The following GMDS variants were observed in gnomAD, a reference collection of about 807,000 sequenced individuals.
GMDS encodes GDP-mannose 4,6-dehydratase.
A neutral mutation model predicts 49.9 loss-of-function variants in GMDS; 20 were observed. The ratio of observed to expected loss-of-function variants is 0.40; its 90% confidence interval spans 0.28 to 0.58. The LOEUF is 0.58. Ranked by LOEUF, GMDS falls within the 20% of genes least tolerant of loss-of-function variation. The probability of loss-of-function intolerance (pLI) is 0.42; values close to 1 mark genes in which losing one functional copy is unlikely to be tolerated. For synonymous variants in GMDS, 177 were observed against 178.6 expected, an observed-to-expected ratio of 0.99 and a Z score of 0.07; for missense variants, 362 against 481.4, an observed-to-expected ratio of 0.75 and a Z score of 2.32.
At chr6:1,655,289 C>A (rs767338941) in intron 9 of GMDS, among the ~76,000 whole-genome samples, 2 of 151,978 alleles carry the variant, frequency 1.3e-5, no homozygotes, top group Non-Finnish European at 2.9e-5. Context: ...ACTGGGTAAA[C>A]GAAATTTTAA....
chr6:1,785,650 G>T (rs1470865401), intron 7 of GMDS, among the ~76,000 whole-genome samples: 2 of 152,230 alleles, frequency 1.3e-5, no homozygotes, highest in African/African-American at 4.8e-5. Flanking sequence ...CTCAGCACCA[G>T]CCCTGTCTTC....
intron 1 of GMDS, among the ~76,000 whole-genome samples, chr6:2,178,483 TGCCATTCATGAAA>T (rs1204964804): frequency 6.8e-6 from 1 of 146,750 alleles, no homozygotes; most frequent in Non-Finnish European, 1.5e-5. Flanking sequence ...CGGTAGGTGG[TGCCATTCATGAAA>T]GCCATTCATG....
rs868043126 is a variant in GMDS at position 1,905,912 on chromosome 6, A to C, written c.771+24191T>G. Among the ~76,000 whole-genome samples the C allele has an allele frequency of 1.7e-3, 128 of 73,498 alleles. 14 individuals carry two copies. The highest frequency in any genetic ancestry group is 0.014 in the Middle Eastern group (2 of 144). 48.2% of individuals were successfully genotyped at this position (73,498 alleles called of 152,430 possible). A position where few individuals can be genotyped will look rare whatever the true frequency, so the allele number is the denominator to read the frequency against. On this transcript the variant is annotated intron_variant, in intron 7 of 10. Coordinates refer to ENST00000380815, the MANE Select transcript of GMDS (RefSeq NM_001500.4). The stretch of plus-strand genomic sequence containing the variant: ...CCCCATAGGCCATCTGGGAACACGT[A>C]TGCAGGTGTCCCTGAGAAGGAGCGC...
intron 4 of GMDS, among the ~76,000 whole-genome samples, chr6:1,988,070 T>C (rs1024523345): frequency 6.6e-6 from 1 of 152,190 alleles, no homozygotes; most frequent in African/African-American, 2.4e-5. Flanking sequence ...AGCCCCCATA[T>C]GCATTCTTTA....
At chr6:1,683,325 G>A (rs13202648) in intron 9 of GMDS, among the ~76,000 whole-genome samples, 13,859 of 152,170 alleles carry the variant, frequency 0.091, 912 homozygotes, top group East Asian at 0.21. Context: ...GGGTTTCACC[G>A]TGTTAGCCAG....
intron 1 of GMDS, among the ~76,000 whole-genome samples, chr6:2,153,891 A>T (rs900533174): frequency 1.3e-5 from 2 of 152,202 alleles, no homozygotes; most frequent in Non-Finnish European, 2.9e-5. Flanking sequence ...TAACGTTTAC[A>T]GAAATTTGTA....
chr6:1,824,926 G>T (rs1771044406), intron 7 of GMDS, among the ~76,000 whole-genome samples: 1 of 152,120 alleles, frequency 6.6e-6, no homozygotes, highest in African/African-American at 2.4e-5. Context: ...GAAGTCAGGG[G>T]CATGCACTAT....
At chr6:2,016,782 T>C (rs1049698895) in intron 4 of GMDS, among the ~76,000 whole-genome samples, 24 of 152,232 alleles carry the variant, frequency 1.6e-4, no homozygotes, top group Middle Eastern at 3.4e-3. Context: ...CTAGAAAATA[T>C]GCAAATATTT....
chr6:1,939,592 CACACACATAT>C (rs201534663), intron 6 of GMDS, among the ~76,000 whole-genome samples: 20 of 117,066 alleles, frequency 1.7e-4, no homozygotes, highest in Admixed American at 3.7e-4. Flanking sequence ...TACACACACA[CACACACATAT>C]ACACATACAC....
At chr6:1,951,875 C>T in intron 6 of GMDS, 1 of 984,602 alleles carries the variant, frequency 1.0e-6, no homozygotes, top group East Asian at 1.1e-4. Context: ...TGGTCTTTTA[C>T]AAAGATAAGA....
chr6:2,188,244 C>A lies in GMDS; in HGVS notation c.102+57077G>T, dbSNP rs546044763. On this transcript the variant is annotated intron_variant, in intron 1 of 10. Transcript: ENST00000380815. Reference sequence around the variant, plus strand: ...AAATGCTCAGAAATGTCTCCTCAGACACAAAGTCCAATTTAGCTGAAATGC... The same window carrying A: ...AAATGCTCAGAAATGTCTCCTCAGAAACAAAGTCCAATTTAGCTGAAATGC... Among the ~76,000 whole-genome samples the A allele has an allele frequency of 2.6e-5, 4 of 152,336 alleles. No homozygotes were observed. The South Asian group carries it at 8.3e-4, about 32-fold the overall frequency.
chr6:1,848,506 G>A (rs1757515584), intron 7 of GMDS, among the ~76,000 whole-genome samples: 1 of 152,026 alleles, frequency 6.6e-6, no homozygotes, highest in Non-Finnish European at 1.5e-5. Flanking sequence ...CTCTGTCTTG[G>A]GTACCTTATA....
intron 7 of GMDS, among the ~76,000 whole-genome samples, chr6:1,819,561 G>A (rs1296159103): frequency 6.6e-6 from 1 of 151,916 alleles, no homozygotes; most frequent in Non-Finnish European, 1.5e-5. Context: ...AGAAGTTTGA[G>A]ACCAGCCTGG....
intron 4 of GMDS, among the ~76,000 whole-genome samples, chr6:2,023,659 T>C (rs1768406560): frequency 1.3e-5 from 2 of 152,194 alleles, no homozygotes. Flanking sequence ...AAAGGTAGAT[T>C]TGAAGTAAGC....
At chr6:1,899,170 T>G (rs1160203332) in intron 7 of GMDS, among the ~76,000 whole-genome samples, 1 of 152,226 alleles carries the variant, frequency 6.6e-6, no homozygotes, top group Non-Finnish European at 1.5e-5. Flanking sequence ...GCTGGTAAGA[T>G]ATCTCTTGTG....
chr6:2,193,292 A>C (rs750197651), intron 1 of GMDS, among the ~76,000 whole-genome samples: 2 of 152,270 alleles, frequency 1.3e-5, no homozygotes, highest in Non-Finnish European at 2.9e-5. Context: ...TGTGTTACAA[A>C]GTATGTGTTA....
chr6:1,967,872 T>C (rs1764357782), intron 4 of GMDS, among the ~76,000 whole-genome samples: 1 of 152,228 alleles, frequency 6.6e-6, no homozygotes, highest in South Asian at 2.1e-4. Context: ...TGGTAAATCA[T>C]AGCCTTTCTT....
At chr6:2,090,414 A>G (rs917768600) in intron 4 of GMDS, among the ~76,000 whole-genome samples, 20 of 152,234 alleles carry the variant, frequency 1.3e-4, no homozygotes, top group African/African-American at 4.8e-4. Context: ...ACATTTATAC[A>G]CCACTAAAAA....
chr6:2,059,536 G>A (rs1161515322), intron 4 of GMDS, among the ~76,000 whole-genome samples: 5 of 147,596 alleles, frequency 3.4e-5, no homozygotes, highest in East Asian at 2.0e-4. Flanking sequence ...GTGAAACCCC[G>A]TCTCTACTAA....
Sources: gnomAD v4.1 joint callset for allele counts (sites outside exome capture counted in the v4.1 genomes callset) on GRCh38, gnomAD v4.1.1 for gene constraint, MANE v1.5 for transcripts, NCBI Gene and HGNC (gene_info 2026-07-23, HGNC 2026-07-21) for gene names.